FMNL2: variants seen among roughly 807,000 people sequenced by gnomAD.
FMNL2 encodes the protein formin-like protein 2.
FMNL2 carries 51 observed loss-of-function variants against 130.2 expected under a neutral mutation model. The observed-to-expected ratio is 0.39, with a 90% CI of 0.31 to 0.49. The LOEUF (loss-of-function observed/expected upper bound fraction) is 0.49. Ranked by LOEUF, FMNL2 falls within the 20% of genes least tolerant of loss-of-function variation. The pLI is 0.85. For synonymous variants in FMNL2, 465 were observed against 467.1 expected, an observed-to-expected ratio of 1.00 and a Z score of 0.06; for missense variants, 977 against 1,316.2, an observed-to-expected ratio of 0.74 and a Z score of 3.99.
chr2:152,490,749 AAG>A (rs1691132288), intron 1 of FMNL2, among the ~76,000 whole-genome samples: 1 of 151,986 alleles, frequency 6.6e-6, no homozygotes, highest in African/African-American at 2.4e-5. Context: ...AAAAAAAAAA[AAG>A]GAAAATTATC....
At chr2:152,631,949 G>A (rs1682199094) in intron 20 of FMNL2, 59 bp from the exon 21 acceptor site, 1 of 1,546,906 alleles carries the variant, frequency 6.5e-7, no homozygotes, top group Non-Finnish European at 8.7e-7. Context: ...TCACCTGAGG[G>A]GTAAGTGTCT....
chr2:152,336,124 C>CAT (rs1560275381), intron 1 of FMNL2, among the ~76,000 whole-genome samples: 10 of 105,584 alleles, frequency 9.5e-5, no homozygotes, highest in African/African-American at 3.4e-4. Context: ...AAACAAAACA[C>CAT]CCTGAGCCCC....
At chr2:152,361,323 A>G (rs961511590) in intron 1 of FMNL2, among the ~76,000 whole-genome samples, 3 of 152,224 alleles carry the variant, frequency 2.0e-5, no homozygotes, top group Admixed American at 2.0e-4. Flanking sequence ...GAAAACTTCC[A>G]GTAAAATATA....
intron 1 of FMNL2, among the ~76,000 whole-genome samples, chr2:152,491,929 C>T (rs1310227153): frequency 2.0e-5 from 3 of 151,916 alleles, no homozygotes; most frequent in African/African-American, 4.8e-5. Flanking sequence ...CCAGCCTGGG[C>T]GACAGAGTGA....
chr2:152,438,171 A>G (rs1331790885), intron 1 of FMNL2, among the ~76,000 whole-genome samples: 1 of 152,256 alleles, frequency 6.6e-6, no homozygotes, highest in Non-Finnish European at 1.5e-5. Flanking sequence ...AAATTTCTCT[A>G]TACAAGCATT....
At chr2:152,370,486 G>A (rs1683814646) in intron 1 of FMNL2, among the ~76,000 whole-genome samples, 1 of 152,276 alleles carries the variant, frequency 6.6e-6, no homozygotes, top group East Asian at 1.9e-4. Context: ...CAAATAATAT[G>A]AGCTTTTATT....
chr2:152,607,227 G>A (rs1214736984), intron 9 of FMNL2, 112 bp from the exon 10 acceptor site: 3 of 875,562 alleles, frequency 3.4e-6, no homozygotes, highest in African/African-American at 1.7e-5. Context: ...TAGTTTATGA[G>A]AGAGAAAAAG....
intron 1 of FMNL2, among the ~76,000 whole-genome samples, chr2:152,445,711 T>C (rs553474379): frequency 9.8e-4 from 149 of 152,282 alleles, no homozygotes; most frequent in African/African-American, 3.4e-3. Flanking sequence ...AAAATCTACA[T>C]TTCTTACAAG....
At chr2:152,341,634 TTGTTAACATAGTCG>T (rs1681813478) in intron 1 of FMNL2, among the ~76,000 whole-genome samples, 1 of 152,184 alleles carries the variant, frequency 6.6e-6, no homozygotes, top group South Asian at 2.1e-4. Flanking sequence ...TTTGGCACAA[TTGTTAACATAGTCG>T]TGAGATGATG....
intron 4 of FMNL2, among the ~76,000 whole-genome samples, chr2:152,550,218 G>A (rs1392855408): frequency 6.6e-6 from 1 of 152,154 alleles, no homozygotes; most frequent in Admixed American, 6.6e-5. Context: ...CCATTCAAAT[G>A]GTTAATTAGC....
intron 1 of FMNL2, among the ~76,000 whole-genome samples, chr2:152,501,216 A>T (rs1691813797): frequency 6.6e-6 from 1 of 152,244 alleles, no homozygotes; most frequent in South Asian, 2.1e-4. Flanking sequence ...CCTTAAAGCT[A>T]AATGTATTTA....
intron 1 of FMNL2, among the ~76,000 whole-genome samples, chr2:152,469,996 AC>A (rs1377925285): frequency 6.6e-6 from 1 of 152,066 alleles, no homozygotes; most frequent in Admixed American, 6.5e-5. Context: ...TTCCTAGGAA[AC>A]CTTTTTAAAA....
chr2:152,506,409 A>G (rs1274462563), intron 1 of FMNL2, among the ~76,000 whole-genome samples: 1 of 150,300 alleles, frequency 6.7e-6, no homozygotes, highest in Non-Finnish European at 1.5e-5. Flanking sequence ...TATACTTTAA[A>G]TCATGTCTAG....
intron 1 of FMNL2, among the ~76,000 whole-genome samples, chr2:152,375,384 G>T (rs1485706422): frequency 1.9e-4 from 29 of 152,186 alleles, no homozygotes; most frequent in Non-Finnish European, 1.2e-4. Context: ...GCTCATGCCT[G>T]GTAGGTTATG....
chr2:152,480,466 C>G (rs191790901), intron 1 of FMNL2, among the ~76,000 whole-genome samples: 1 of 151,922 alleles, frequency 6.6e-6, no homozygotes, highest in African/African-American at 2.4e-5. Flanking sequence ...GAAACCCCGT[C>G]TCTACTAAAA....
chr2:152,458,677 T>C (rs1167172087), intron 1 of FMNL2, among the ~76,000 whole-genome samples: 1 of 152,224 alleles, frequency 6.6e-6, no homozygotes, highest in Non-Finnish European at 1.5e-5. Context: ...GATTACATGT[T>C]CTGGTATGGG....
intron 9 of FMNL2, among the ~76,000 whole-genome samples, chr2:152,598,636 G>A (rs1697886549): frequency 6.6e-6 from 1 of 152,192 alleles, no homozygotes. Context: ...ATTGCAATGA[G>A]CCAAGATTGC....
chr2:152,560,207 G>A (rs1363536216), intron 5 of FMNL2, among the ~76,000 whole-genome samples: 1 of 151,632 alleles, frequency 6.6e-6, no homozygotes, highest in Non-Finnish European at 1.5e-5. Context: ...TTTGTGAGGG[G>A]GGAAATGCAT....
chr2:152,581,682 T>C (rs1696791058), intron 9 of FMNL2, among the ~76,000 whole-genome samples: 1 of 152,212 alleles, frequency 6.6e-6, no homozygotes, highest in African/African-American at 2.4e-5. Flanking sequence ...TAGTAGCTGC[T>C]TTCCCACAGG....
Sources: allele counts gnomAD v4.1 joint callset (sites outside exome capture counted in the v4.1 genomes callset), GRCh38; gene constraint gnomAD v4.1.1; transcripts MANE v1.5; gene names NCBI Gene and HGNC (gene_info 2026-07-23, HGNC 2026-07-21).